The following ZC2HC1A variants were observed in gnomAD, a reference collection of about 807,000 sequenced individuals.
ZC2HC1A encodes zinc finger C2HC domain-containing protein 1A.
Under a neutral mutation model 40.7 loss-of-function variants are expected in ZC2HC1A, and 28 were observed. That is an observed-to-expected ratio of 0.69 (90% CI 0.51 to 0.94). The LOEUF is 0.94. ZC2HC1A is among the 40% of genes least tolerant of loss of function. The pLI, the probability that ZC2HC1A is intolerant of heterozygous loss-of-function variation, is 0.00. For synonymous variants in ZC2HC1A, 129 were observed against 129.2 expected (o/e 1.00, Z 0.01); for missense variants, 389 against 386.3 (o/e 1.01, Z -0.06).
At chr8:78,705,866 T>C (rs1253666485) in intron 7 of ZC2HC1A, among the ~76,000 whole-genome samples, 1 of 152,020 alleles carries the variant, frequency 6.6e-6, no homozygotes, top group Non-Finnish European at 1.5e-5. Flanking sequence ...GGCCACACTT[T>C]CCTAGAGCAG....
At chr8:78,711,544 T>C (rs1191641768) in intron 7 of ZC2HC1A, among the ~76,000 whole-genome samples, 1 of 152,096 alleles carries the variant, frequency 6.6e-6, no homozygotes, top group Non-Finnish European at 1.5e-5. Flanking sequence ...GTACATGTTA[T>C]TTAGTCAATT....
At chr8:78,703,592 G>A (rs1810677393) in intron 7 of ZC2HC1A, among the ~76,000 whole-genome samples, 1 of 148,302 alleles carries the variant, frequency 6.7e-6, no homozygotes, top group African/African-American at 2.5e-5. Context: ...TCAGAAATTA[G>A]GAGTACAACC....
rs1811019275 is a variant in ZC2HC1A at position 78,713,853 on chromosome 8, G to A, written c.705-1368G>A. 2.0e-5 allele frequency among the ~76,000 whole-genome samples: 3 copies of A among 152,196 alleles called. No homozygotes were observed. In the South Asian group the frequency reaches 6.2e-4, roughly 32 times the overall value. ...TGAACATGCTTCCACTTTAAAATGG[G>A]AATAATATCTTCTGAGATTTGGGGG... On this transcript the variant is annotated intron_variant, in intron 7 of 8. Transcript: ENST00000263849.
chr8:78,672,345 C>G (rs62518961), intron 1 of ZC2HC1A, among the ~76,000 whole-genome samples: 7,823 of 151,874 alleles, frequency 0.052, 281 homozygotes, highest in Middle Eastern at 0.082. Flanking sequence ...ATATTTTAAC[C>G]CCTTGGTCCA....
chr8:78,689,403 C>G (rs78933754), intron 5 of ZC2HC1A, 30 bp downstream of exon 5: 1 of 1,525,622 alleles, frequency 6.6e-7, no homozygotes, highest in Non-Finnish European at 8.8e-7. Context: ...TTGCTATAAA[C>G]GAGAAAATGG....
At chr8:78,691,422 C>T (rs1477222774) in intron 5 of ZC2HC1A, among the ~76,000 whole-genome samples, 1 of 152,034 alleles carries the variant, frequency 6.6e-6, no homozygotes, top group Non-Finnish European at 1.5e-5. Context: ...AAGAATATAG[C>T]CATTTTAACA....
rs1250351364 is a variant in ZC2HC1A, at chr8:78,697,444, G to T, written c.542G>T (p.Gly181Val). ...PPALKKSNSP[G>V]TASSGSSRLP... ...GCACTTAAAAAGTCAAATTCTCCTG[G>T]AACTGCATCATCAGGATCTTCACGA... is the stretch of plus-strand genomic sequence containing the variant. The change falls in exon 6 of 9, where the codon GGA becomes GTA. Residue 181 changes from glycine (G) to valine (V), a missense_variant. Transcript: ENST00000263849. The T allele has an allele frequency of 1.9e-6, 3 of 1,608,992 alleles. No individual in the cohort carries two copies. The highest frequency in any genetic ancestry group is 2.5e-6 in the Non-Finnish European group (3 of 1,178,718).
intron 5 of ZC2HC1A, among the ~76,000 whole-genome samples, chr8:78,690,141 T>G (rs1445105898): frequency 6.6e-6 from 1 of 152,208 alleles, no homozygotes; most frequent in African/African-American, 2.4e-5. Context: ...GGACATGCTG[T>G]TCTGTTCCAT....
At chr8:78,688,638 A>G (rs961423591) in intron 4 of ZC2HC1A, among the ~76,000 whole-genome samples, 1 of 152,090 alleles carries the variant, frequency 6.6e-6, no homozygotes, top group Admixed American at 6.6e-5. Context: ...GCATTTTGGG[A>G]AGATATTTTA....
At chr8:78,708,317 T>C (rs2130590521) in intron 7 of ZC2HC1A, among the ~76,000 whole-genome samples, 1 of 152,316 alleles carries the variant, frequency 6.6e-6, no homozygotes, top group African/African-American at 2.4e-5. Flanking sequence ...AATAGAATCA[T>C]GCCACAAAGA....
At position 78,672,749 on chromosome 8, in the gene ZC2HC1A, G is replaced by A. The variant is rs189905637; in HGVS notation, c.17-3038G>A. The stretch of plus-strand genomic sequence containing the variant: ...TTTATTCTGGTCTTTTTGCCCACTG[G>A]TAACTCTTAAGCCCATTTTAATTGA... On this transcript the variant is annotated intron_variant, in intron 1 of 8. Transcript: ENST00000263849. Among the ~76,000 whole-genome samples, 288 of 151,938 alleles carry A rather than the reference G, an allele frequency of 1.9e-3. 1 individual carries two copies. Among genetic ancestry groups the A allele is most frequent in the Admixed American group, 3.1e-3 (47 of 15,274 alleles).
At chr8:78,678,770 A>T (rs1308440730) in intron 3 of ZC2HC1A, 91 bp downstream of exon 3, 3 of 784,810 alleles carry the variant, frequency 3.8e-6, no homozygotes, top group Non-Finnish European at 5.9e-6. Context: ...TTAAGAATAA[A>T]CACAATTATC....
intron 1 of ZC2HC1A, among the ~76,000 whole-genome samples, chr8:78,669,967 CTTTCTT>C (rs971860555): frequency 1.1e-4 from 14 of 123,036 alleles, no homozygotes; most frequent in Non-Finnish European, 1.8e-4. Flanking sequence ...TTCTTTCTTT[CTTTCTT>C]TTTTTTTTTT....
At chr8:78,671,854 A>G (rs1213030772) in intron 1 of ZC2HC1A, among the ~76,000 whole-genome samples, 1 of 152,120 alleles carries the variant, frequency 6.6e-6, no homozygotes, top group Admixed American at 6.6e-5. Context: ...CTTATATATA[A>G]ACTTTATTTA....
intron 1 of ZC2HC1A, among the ~76,000 whole-genome samples, chr8:78,670,067 A>T (rs1050059525): frequency 3.4e-4 from 51 of 150,160 alleles, no homozygotes; most frequent in African/African-American, 1.2e-3. Context: ...TTCTGGGTTC[A>T]AGCGATTCTC....
intron 3 of ZC2HC1A, among the ~76,000 whole-genome samples, chr8:78,680,068 A>T (rs1809718660): frequency 6.6e-6 from 1 of 152,104 alleles, no homozygotes; most frequent in Admixed American, 6.5e-5. Flanking sequence ...ATTTAATGTA[A>T]TTATGCTTCT....
rs1447561342 is a variant in ZC2HC1A at position 78,718,810 on chromosome 8, A to C, written c.*1317A>C. On this transcript the variant is annotated 3_prime_UTR_variant, in exon 9 of 9. Coordinates refer to ENST00000263849, the MANE Select transcript of ZC2HC1A (RefSeq NM_016010.3). ...TCTGTAGTAATTTCTATTCAATCAA[A>C]CCTAAGAGAGCTTTGATCTTACTGT... is the stretch of plus-strand genomic sequence containing the variant. 1 of 151,766 alleles carries C rather than the reference A, an allele frequency of 6.6e-6. No individual in the cohort carries two copies. Among genetic ancestry groups the C allele is most frequent in the East Asian group, 1.9e-4 (1 of 5,188 alleles). 9.4% of individuals were successfully genotyped at this position (151,766 alleles called of 1,614,324 possible).
chr8:78,712,179 A>G (rs373524210), intron 7 of ZC2HC1A: 7 of 902,956 alleles, frequency 7.8e-6, no homozygotes, highest in East Asian at 6.2e-5. Flanking sequence ...ATGGAATAAC[A>G]TAACTTTTAC....
intron 7 of ZC2HC1A, among the ~76,000 whole-genome samples, chr8:78,703,605 T>C (rs904058801): frequency 1.3e-5 from 2 of 151,464 alleles, no homozygotes; most frequent in Admixed American, 6.6e-5. Context: ...GTACAACCCC[T>C]GCTTTTTTCT....
Sources: gnomAD v4.1 joint callset for allele counts (sites outside exome capture counted in the v4.1 genomes callset) on GRCh38, gnomAD v4.1.1 for gene constraint, MANE v1.5 for transcripts, NCBI Gene and HGNC (gene_info 2026-07-23, HGNC 2026-07-21) for gene names.